SMC4: variants seen among roughly 807,000 people sequenced by gnomAD.
SMC4 encodes structural maintenance of chromosomes protein 4.
Under a neutral mutation model 145.6 loss-of-function variants are expected in SMC4, and 87 were observed. That is an observed-to-expected ratio of 0.60 (90% CI 0.50 to 0.71). The LOEUF (loss-of-function observed/expected upper bound fraction) is 0.71. Ranked by LOEUF, SMC4 falls within the 30% of genes least tolerant of loss-of-function variation. SMC4 has a pLI of 0.00. For synonymous variants in SMC4, 558 were observed against 500.7 expected, an observed-to-expected ratio of 1.11 and a Z score of -1.53; for missense variants, 1,447 against 1,537.1, an observed-to-expected ratio of 0.94 and a Z score of 0.98.
intron 9 of SMC4, among the ~76,000 whole-genome samples, chr3:160,414,989 GAT>G (rs1449038935): frequency 6.6e-6 from 1 of 152,132 alleles, no homozygotes. Context: ...AGTTTTTAAA[GAT>G]ATTTAAGTTA....
intron 12 of SMC4, chr3:160,420,439 T>C (rs923961748): frequency 6.8e-6 from 2 of 294,014 alleles, no homozygotes; most frequent in Non-Finnish European, 1.3e-5. Context: ...ATTTACATAA[T>C]TTTAGATGCT....
chr3:160,423,966 T>G (rs1717486776), intron 15 of SMC4, 126 bp downstream of exon 15: 1 of 567,998 alleles, frequency 1.8e-6, no homozygotes, highest in East Asian at 3.0e-5. Context: ...GATGGCGTTT[T>G]CTATAAATGA....
chr3:160,402,140 G>T, intron 3 of SMC4, 47 bp downstream of exon 3: 1 of 1,231,202 alleles, frequency 8.1e-7, no homozygotes, highest in East Asian at 2.9e-5. Context: ...AATAACTATT[G>T]TAAGGTAATA....
chr3:160,426,311 T>C lies in SMC4; in HGVS notation c.2605+111T>C, dbSNP rs551455978. The C allele has an allele frequency of 5.7e-5, 45 of 788,980 alleles. No homozygotes were observed. In the African/African-American group the frequency reaches 6.9e-4, roughly 12 times the overall value. 48.9% of individuals were successfully genotyped at this position (788,980 alleles called of 1,614,324 possible). On this transcript the variant is annotated intron_variant, in intron 17 of 23. Coordinates refer to ENST00000357388, the MANE Select transcript of SMC4 (RefSeq NM_001002800.3). The stretch of plus-strand genomic sequence containing the variant: ...ATAGAAGCTAAGTATATGCAAGTCA[T>C]TGCACTATTTTATGGTGTTTGTTAT...
At chr3:160,421,520 C>T (rs1387450364) in intron 13 of SMC4, among the ~76,000 whole-genome samples, 2 of 151,866 alleles carry the variant, frequency 1.3e-5, no homozygotes, top group Admixed American at 6.6e-5. Flanking sequence ...CCAAGGCGGG[C>T]GGATCACGAG....
At position 160,433,681 on chromosome 3, in the gene SMC4, A is replaced by T; in HGVS notation, c.3739A>T (p.Ile1247Leu). The change falls in exon 24 of 24, where the codon ATA becomes TTA. Residue 1247 changes from isoleucine (I) to leucine (L), a missense_variant. Transcript: ENST00000357388. Reference sequence around the variant, plus strand: ...GGAACAAACAAAAAATGCACAGTTCATAATAATTTCTCTTCGAAATAATAT... The same window carrying T: ...GGAACAAACAAAAAATGCACAGTTCTTAATAATTTCTCTTCGAAATAATAT... Reference protein sequence around the residue: ...IYEQTKNAQFIIISLRNNMFE... With the variant: ...IYEQTKNAQFLIISLRNNMFE... 6.3e-7 allele frequency: 1 copy of T among 1,577,222 alleles called. No homozygotes were observed. Among genetic ancestry groups the T allele is most frequent in the South Asian group, 1.2e-5 (1 of 84,314 alleles).
intron 5 of SMC4, among the ~76,000 whole-genome samples, chr3:160,410,563 A>T (rs761860287): frequency 2.0e-5 from 3 of 152,280 alleles, no homozygotes; most frequent in Non-Finnish European, 2.9e-5. Context: ...CATACATAAT[A>T]TAATGAATGT....
chr3:160,421,910 A>G (rs1560006438), intron 13 of SMC4, among the ~76,000 whole-genome samples: 1 of 152,190 alleles, frequency 6.6e-6, no homozygotes, highest in Non-Finnish European at 1.5e-5. Context: ...CCCCCTCCGT[A>G]ACACTAACTA....
chr3:160,432,849 A>G (rs1718557704), intron 22 of SMC4, 177 bp from the exon 23 acceptor site: 1 of 588,178 alleles, frequency 1.7e-6, no homozygotes, highest in Non-Finnish European at 3.0e-6. Flanking sequence ...ATGTGCTCCT[A>G]TGTATGCATC....
chr3:160,402,500 G>A (rs991694751), intron 3 of SMC4, among the ~76,000 whole-genome samples, 176 bp from the exon 4 acceptor site: 2 of 152,176 alleles, frequency 1.3e-5, no homozygotes, highest in African/African-American at 4.8e-5. Context: ...AAGCTTTTAA[G>A]AGAGAACTTG....
intron 12 of SMC4, 99 bp downstream of exon 12, chr3:160,419,642 T>C (rs1716960995): frequency 9.3e-7 from 1 of 1,080,086 alleles, no homozygotes; most frequent in South Asian, 1.7e-5. Flanking sequence ...TGTCACTGTA[T>C]ATAAAATAAG....
At chr3:160,413,788 G>C (rs1451762) in intron 8 of SMC4, 175 bp downstream of exon 8, 214,882 of 421,040 alleles carry the variant, frequency 0.51, 56,539 homozygotes, top group African/African-American at 0.54. Flanking sequence ...TGTTACAGAT[G>C]AAATTCCCTA....
rs189446987 is a variant in SMC4, at chr3:160,419,746, A to G, written c.1857+203A>G. 8.3e-4 allele frequency among the ~76,000 whole-genome samples: 127 copies of G among 152,262 alleles called. 1 individual carries two copies. In the South Asian group the frequency reaches 0.025, roughly 30 times the overall value. ...AGCTTTAGATAAATACAATTATTTC[A>G]TACATATCAAGAAAAATACTAGTAA... is the stretch of plus-strand genomic sequence containing the variant. On this transcript the variant is annotated intron_variant, in intron 12 of 23. Coordinates refer to ENST00000357388, the MANE Select transcript of SMC4 (RefSeq NM_001002800.3).
At chr3:160,419,938 TA>T (rs1716994067) in intron 12 of SMC4, among the ~76,000 whole-genome samples, 1 of 152,182 alleles carries the variant, frequency 6.6e-6, no homozygotes, top group Non-Finnish European at 1.5e-5. Context: ...GACTGTTTTT[TA>T]AAAAATGAAA....
chr3:160,427,930 TACAC>T (rs986477070), intron 17 of SMC4, among the ~76,000 whole-genome samples: 7 of 151,966 alleles, frequency 4.6e-5, no homozygotes, highest in African/African-American at 7.2e-5. Context: ...CTTTGAAAAA[TACAC>T]ACGCACGCAC....
chr3:160,428,353 T>A (rs1281259115), intron 17 of SMC4, among the ~76,000 whole-genome samples: 1 of 152,242 alleles, frequency 6.6e-6, no homozygotes, highest in Non-Finnish European at 1.5e-5. Context: ...TGCGAAGTTA[T>A]GTTAGCAGAA....
chr3:160,402,672 G>C lies in SMC4; in HGVS notation c.319-4G>C. 1.3e-6 allele frequency: 2 copies of C among 1,597,778 alleles called. No individual in the cohort carries two copies. The highest frequency in any genetic ancestry group is 1.7e-6 in the Non-Finnish European group (2 of 1,175,892). On this transcript the variant is annotated splice_region_variant and splice_polypyrimidine_tract_variant and intron_variant, in intron 3 of 23. Coordinates refer to ENST00000357388, the MANE Select transcript of SMC4 (RefSeq NM_001002800.3). ...CGTGTTTTGTTTTTGTTTTTTTAAT[G>C]CAGCGCTTTTCCTGTATTATCGGGC...
intron 6 of SMC4, 78 bp downstream of exon 6, chr3:160,412,162 CATGTT>C (rs1356086259): frequency 6.7e-7 from 1 of 1,499,256 alleles, no homozygotes; most frequent in Non-Finnish European, 9.0e-7. Context: ...GTCAGATATT[CATGTT>C]ATAATACTTA....
rs764963595 is a variant in SMC4 at position 160,431,036 on chromosome 3, C to A, written c.2945C>A (p.Ser982Tyr). ...VVKNTNAAEE[S>Y]LPEIQKEHRN... is the part of the protein sequence containing the mutation. ...GCAGTTCTTTTCGGTGTTTAGGAAT[C>A]CTTACCAGAGATCCAGAAAGAACAT... Residue 982 changes from serine (S) to tyrosine (Y), a missense_variant, in exon 20 of 24, where the codon TCC becomes TAC. Physicochemically the swap from Ser to Tyr is moderately radical, Grantham distance 144. Transcript: ENST00000357388. The A allele has an allele frequency of 6.3e-7, 1 of 1,598,072 alleles. No homozygotes were observed. The highest frequency in any genetic ancestry group is 8.5e-7 in the Non-Finnish European group (1 of 1,175,622).
Sources: allele counts gnomAD v4.1 joint callset (sites outside exome capture counted in the v4.1 genomes callset), GRCh38; gene constraint gnomAD v4.1.1; transcripts MANE v1.5; gene names NCBI Gene and HGNC (gene_info 2026-07-23, HGNC 2026-07-21).